Variants in PLEKHM1 observed in about 807,000 individuals in gnomAD.
PLEKHM1 encodes the protein pleckstrin homology domain-containing family M member 1.
Under a neutral mutation model 94.3 loss-of-function variants are expected in PLEKHM1, and 28 were observed. That is an observed-to-expected ratio of 0.30 (90% CI 0.22 to 0.41). PLEKHM1 has a LOEUF of 0.41. Ranked by LOEUF, PLEKHM1 falls within the 10% of genes least tolerant of loss-of-function variation. The probability of loss-of-function intolerance (pLI) is 1.00; values close to 1 mark genes in which losing one functional copy is unlikely to be tolerated. For missense variants in PLEKHM1, 907 were observed against 1,358.6 expected (o/e 0.67, Z 5.22); for synonymous variants, 424 against 581.2 (o/e 0.73, Z 3.89).
At chr17:45,438,393 G>C (rs1156616336) in intron 11 of PLEKHM1, among the ~76,000 whole-genome samples, 16 of 151,814 alleles carry the variant, frequency 1.1e-4, no homozygotes, top group African/African-American at 3.1e-4. Flanking sequence ...TTAGCCGGGC[G>C]TGGCGGTGTG....
intron 5 of PLEKHM1, among the ~76,000 whole-genome samples, chr17:45,460,802 G>A (rs924783188): frequency 7.9e-5 from 12 of 152,250 alleles, no homozygotes; most frequent in South Asian, 6.2e-4. Context: ...CAAGTGATCC[G>A]CCCACCCTTG....
Position 45,454,267 on chromosome 17 carries a change from A to G in PLEKHM1, c.1585T>C (p.Ser529Pro). ...RVVHRRQMGL[S>P]NPFRGLMKLG... ...TTCATGAGACCCCGGAATGGGTTGG[A>G]CAGTCCTGGAGGCAGAGGCAAAAAG... Residue 529 changes from serine to proline, a missense_variant, in exon 7 of 12, where the codon TCC becomes CCC. Physicochemically the swap from Ser to Pro is moderately conservative, Grantham distance 74. Coordinates refer to ENST00000430334, the MANE Select transcript of PLEKHM1 (RefSeq NM_014798.3). 1.2e-6 allele frequency: 2 copies of G among 1,602,790 alleles called. No homozygotes were observed. Among genetic ancestry groups the G allele is most frequent in the Non-Finnish European group, 1.7e-6 (2 of 1,174,996 alleles).
chr17:45,446,708 C>T (rs1164687856), intron 8 of PLEKHM1, among the ~76,000 whole-genome samples: 1 of 152,120 alleles, frequency 6.6e-6, no homozygotes, highest in Non-Finnish European at 1.5e-5. Context: ...AATTTGTTTG[C>T]TGATATATAG....
At chr17:45,454,484 T>C in intron 6 of PLEKHM1, 1 of 630,852 alleles carries the variant, frequency 1.6e-6, no homozygotes, top group Non-Finnish European at 2.9e-6. Context: ...GCGTCCTGTA[T>C]TTCACTGAGA....
chr17:45,453,380 A>G lies in PLEKHM1; in HGVS notation c.2472T>C (p.Leu824=), dbSNP rs748935562. 2 of 1,613,796 alleles carry G rather than the reference A, an allele frequency of 1.2e-6. No individual in the cohort carries two copies. The highest frequency in any genetic ancestry group is 1.7e-6 in the Non-Finnish European group (2 of 1,179,774). The change falls in exon 7 of 12, where the codon CTT becomes CTC. Residue 824 remains leucine, a synonymous_variant. Transcript: ENST00000430334. The surrounding 1 kb of genome is among the most constrained non-coding windows in gnomAD (Gnocchi z 4.1). ...YLVAIPMEKG[L]DSQGCFCAGC... is the part of the protein sequence containing the mutation. ...CTGCGCAGAAGCAGCCTTGGGAGTC[A>G]AGGCCTTTCTCCATGGGGATAGCCA...
downstream of PLEKHM1, among the ~76,000 whole-genome samples, chr17:45,434,861 C>G (rs2050222989): frequency 6.7e-6 from 1 of 150,228 alleles, no homozygotes; most frequent in South Asian, 2.1e-4. Flanking sequence ...CTCAGCTACT[C>G]AGGAGGCTGA....
rs753121671 is a variant in PLEKHM1 at position 45,468,552 on chromosome 17, G to A, written c.965C>T (p.Pro322Leu). 1.2e-6 allele frequency: 2 copies of A among 1,614,174 alleles called. No homozygotes were observed. The highest frequency in any genetic ancestry group is 2.2e-5 in the South Asian group (2 of 91,088). The change falls in exon 5 of 12, where the codon CCA (proline) becomes CTA (leucine). Residue 322 changes from proline (P) to leucine (L), a missense_variant. By Grantham distance (98) the Pro-to-Leu change is moderately conservative. This residue lies in a region of PLEKHM1 where 477 missense variants were observed against 601.5 expected (regional missense o/e 0.79). Transcript: ENST00000430334. The part of the protein sequence containing the change: ...EFSKAQVNSV[P>L]TNGLSQETEI... ...TGTTTCTTGGCTCAGTCCGTTGGTT[G>A]GCACAGAGTTTACCTGGGCTTTGCT... is the stretch of plus-strand genomic sequence containing the variant.
rs1219187376 is a variant in PLEKHM1 at position 45,478,049 on chromosome 17, G to T, written c.147C>A (p.Thr49=). The change falls in exon 3 of 12, where the codon ACC becomes ACA. Residue 49 remains threonine (T), a synonymous_variant. Coordinates refer to ENST00000430334, the MANE Select transcript of PLEKHM1 (RefSeq NM_014798.3). ...ATACGGCCTCCAGGGCGCTGCACATGGTGTTGGCATCTCCGTCTTCACTAG... is the reference window on the plus strand; with the variant it reads ...ATACGGCCTCCAGGGCGCTGCACATTGTGTTGGCATCTCCGTCTTCACTAG... ...VVTSEDGDAN[T]MCSALEAVFI... is the part of the protein sequence containing the mutation. The T allele has an allele frequency of 6.2e-7, 1 of 1,614,102 alleles. No homozygotes were observed. Among genetic ancestry groups the T allele is most frequent in the African/African-American group, 1.3e-5 (1 of 74,936 alleles).
chr17:45,449,994 T>C (rs1183793668), intron 8 of PLEKHM1, among the ~76,000 whole-genome samples: 2 of 149,860 alleles, frequency 1.3e-5, no homozygotes, highest in African/African-American at 4.9e-5. Context: ...CCTACCTACC[T>C]ACCCATCCAC....
At chr17:45,469,014 T>C (rs994606171) in intron 4 of PLEKHM1, among the ~76,000 whole-genome samples, 2 of 148,176 alleles carry the variant, frequency 1.3e-5, no homozygotes, top group African/African-American at 2.4e-5. Context: ...GGAGTAGAGA[T>C]GCCAGGACTC....
At chr17:45,447,155 T>A (rs1455415809) in intron 8 of PLEKHM1, among the ~76,000 whole-genome samples, 1 of 152,246 alleles carries the variant, frequency 6.6e-6, no homozygotes, top group Non-Finnish European at 1.5e-5. Context: ...GTGGCCCTGT[T>A]GTCCCCTTGA....
At position 45,437,950 on chromosome 17, in the gene PLEKHM1, C is replaced by A; in HGVS notation, c.3079G>T (p.Val1027Phe). 6.2e-7 allele frequency: 1 copy of A among 1,613,488 alleles called. No individual in the cohort carries two copies. Among genetic ancestry groups the A allele is most frequent in the Non-Finnish European group, 8.5e-7 (1 of 1,179,938 alleles). Residue 1027 changes from valine to phenylalanine, a missense_variant, in exon 12 of 12, where the codon GTC becomes TTC. Transcript: ENST00000430334. This position sits in a 1 kb window ranked among gnomAD's most constrained non-coding sequence, Gnocchi z 4.0. The stretch of plus-strand genomic sequence containing the variant: ...ACAGCCTGGCAGCTCTGGTGGAAGA[C>A]GGTCTTGCACTCGGCACACCTGGGG... The part of the protein sequence containing the change: ...TTVRCAECKT[V>F]FHQSCQAVVK...
At position 45,453,846 on chromosome 17, in the gene PLEKHM1, C is replaced by G. The variant is rs776400345; in HGVS notation, c.2006G>C (p.Gly669Ala). The G allele has an allele frequency of 6.2e-7, 1 of 1,613,864 alleles. No individual in the cohort carries two copies. Among genetic ancestry groups the G allele is most frequent in the Non-Finnish European group, 8.5e-7 (1 of 1,179,876 alleles). Residue 669 changes from glycine to alanine, a missense_variant, in exon 7 of 12, where the codon GGC becomes GCC. By Grantham distance (60) the Gly-to-Ala change is moderately conservative. Coordinates refer to ENST00000430334, the MANE Select transcript of PLEKHM1 (RefSeq NM_014798.3). This position sits in a 1 kb window ranked among gnomAD's most constrained non-coding sequence, Gnocchi z 4.1. ...GGCGGACGACCAGTCAAACTGTGTG[C>G]CCTGGAGGGCCGCGGGCTCCGAGAG... is the stretch of plus-strand genomic sequence containing the variant. ...DLLSEPAALQ[G>A]TQFDWSSAQV...
chr17:45,448,448 C>T (rs374684840), intron 8 of PLEKHM1, among the ~76,000 whole-genome samples: 6 of 152,376 alleles, frequency 3.9e-5, no homozygotes, highest in African/African-American at 1.4e-4. Context: ...ACATAGCTGG[C>T]AGGCCCTGGC....
chr17:45,450,204 T>C lies in PLEKHM1; in HGVS notation c.2643+414A>G, dbSNP rs556617887. Among the ~76,000 whole-genome samples, 12 of 151,070 alleles carry C rather than the reference T, an allele frequency of 7.9e-5. No individual in the cohort carries two copies. In the South Asian group the frequency reaches 2.5e-3, roughly 32 times the overall value. On this transcript the variant is annotated intron_variant, in intron 8 of 11. Coordinates refer to ENST00000430334, the MANE Select transcript of PLEKHM1 (RefSeq NM_014798.3). ...AACCATCCACCTAGCCACCTGCTCA[T>C]CCACCTACCTACCTGCCCAGCCCCC...
intron 1 of PLEKHM1, among the ~76,000 whole-genome samples, chr17:45,484,248 A>C (rs1430568962): frequency 2.0e-5 from 3 of 152,222 alleles, no homozygotes; most frequent in African/African-American, 7.2e-5. Context: ...GGGAAAATTT[A>C]TGTCCTGCAG....
In PLEKHM1 at chr17:45,478,204, T is replaced by C. The variant is rs2051821788; in HGVS notation, c.49-57A>G. ...AGCGGAAAATCCTATGGAGAGTCCC[T>C]AGAGTGTAATCCTTTAGCTGGTGCC... On this transcript the variant is annotated intron_variant, in intron 2 of 11. Coordinates refer to ENST00000430334, the MANE Select transcript of PLEKHM1 (RefSeq NM_014798.3). 2.5e-6 allele frequency: 4 copies of C among 1,610,254 alleles called. No individual in the cohort carries two copies. The East Asian group carries it at 8.9e-5, about 36-fold the overall frequency.
intron 2 of PLEKHM1, among the ~76,000 whole-genome samples, chr17:45,480,212 G>C (rs911866246): frequency 2.6e-5 from 4 of 152,246 alleles, no homozygotes; most frequent in Non-Finnish European, 4.4e-5. Context: ...GCCGGGCACA[G>C]TGGCTCACGC....
intron 9 of PLEKHM1, chr17:45,440,870 T>C (rs2050427398): frequency 6.2e-6 from 1 of 162,134 alleles, no homozygotes; most frequent in South Asian, 1.7e-4. Context: ...ATGCACAGGA[T>C]ATGGCCTCTG....
Sources: allele counts gnomAD v4.1 joint callset (sites outside exome capture counted in the v4.1 genomes callset), GRCh38; gene constraint gnomAD v4.1.1; regional missense constraint gnomAD v4.1.1; non-coding constraint Gnocchi (gnomAD v3.1); transcripts MANE v1.5; gene names NCBI Gene and HGNC (gene_info 2026-07-23, HGNC 2026-07-21).